Variants in IFT88 observed in about 807,000 individuals in gnomAD.
IFT88 encodes the protein intraflagellar transport 88.
Under a neutral mutation model 119.5 loss-of-function variants are expected in IFT88, and 74 were observed. The observed-to-expected ratio is 0.62, with a 90% CI of 0.51 to 0.75. The LOEUF (loss-of-function observed/expected upper bound fraction) is 0.75. IFT88 is among the 30% of genes least tolerant of loss of function. The pLI, the probability that IFT88 is intolerant of heterozygous loss-of-function variation, is 0.00. For synonymous variants in IFT88, 279 were observed against 316.7 expected (o/e 0.88, Z 1.26); for missense variants, 961 against 977.7 (o/e 0.98, Z 0.23).
At chr13:20,663,104 A>C (rs1159417194) in intron 22 of IFT88, among the ~76,000 whole-genome samples, 3 of 152,266 alleles carry the variant, frequency 2.0e-5, no homozygotes, top group Non-Finnish European at 4.4e-5. Context: ...TAATAACATT[A>C]GTAATGATTA....
chr13:20,656,488 A>C (rs974253856), intron 22 of IFT88, 58 bp downstream of exon 22: 76 of 757,584 alleles, frequency 1.0e-4, no homozygotes, highest in Non-Finnish European at 1.5e-4. Context: ...TTTATGTTCT[A>C]ATATATAATT....
At chr13:20,597,656 A>G (rs955231673) in intron 9 of IFT88, among the ~76,000 whole-genome samples, 1 of 151,728 alleles carries the variant, frequency 6.6e-6, no homozygotes, top group African/African-American at 2.4e-5. Context: ...GAGCAGGAGA[A>G]TGGCGTGAAC....
chr13:20,620,754 T>TG (rs2046346018), intron 14 of IFT88, among the ~76,000 whole-genome samples: 2 of 152,088 alleles, frequency 1.3e-5, no homozygotes, highest in South Asian at 4.2e-4. Flanking sequence ...TTAGTAGAGA[T>TG]GGGGTTTCAC....
chr13:20,573,161 T>C (rs995920957), intron 1 of IFT88, among the ~76,000 whole-genome samples: 2 of 152,208 alleles, frequency 1.3e-5, no homozygotes. Flanking sequence ...AGTAATCATG[T>C]CTTGAAACTT....
intron 9 of IFT88, 26 bp downstream of exon 9, chr13:20,597,145 T>C (rs750763392): frequency 5.9e-6 from 8 of 1,365,398 alleles, no homozygotes; most frequent in Non-Finnish European, 7.1e-6. Flanking sequence ...TAACACAATT[T>C]TTAAATAAAA....
chr13:20,636,397 T>G (rs2049022527), intron 16 of IFT88, among the ~76,000 whole-genome samples: 1 of 152,344 alleles, frequency 6.6e-6, no homozygotes, highest in Admixed American at 6.5e-5. Context: ...TTCTTCTATA[T>G]TTTCTCTAAA....
chr13:20,592,772 A>G (rs1593922699), intron 7 of IFT88, among the ~76,000 whole-genome samples: 1 of 152,294 alleles, frequency 6.6e-6, no homozygotes. Context: ...ACCAGCTCAC[A>G]TAATTACATA....
At chr13:20,680,495 G>A (rs1434447289) in intron 24 of IFT88, among the ~76,000 whole-genome samples, 1 of 152,180 alleles carries the variant, frequency 6.6e-6, no homozygotes, top group African/African-American at 2.4e-5. Flanking sequence ...AGCAGTCACT[G>A]GGGGAATACT....
At chr13:20,633,605 T>C (rs1209144691) in intron 16 of IFT88, among the ~76,000 whole-genome samples, 4 of 152,324 alleles carry the variant, frequency 2.6e-5, no homozygotes, top group African/African-American at 9.6e-5. Context: ...CAAATCTTTA[T>C]ACCAAGTTTG....
chr13:20,595,975 G>A (rs1329170996), intron 7 of IFT88, among the ~76,000 whole-genome samples, 175 bp from the exon 8 acceptor site: 1 of 152,024 alleles, frequency 6.6e-6, no homozygotes, highest in Non-Finnish European at 1.5e-5. Context: ...CCTGAGCCCA[G>A]GAGTCAAGAC....
intron 19 of IFT88, 126 bp downstream of exon 19, chr13:20,643,731 AT>A: frequency 1.4e-6 from 1 of 702,336 alleles, no homozygotes; most frequent in Non-Finnish European, 2.3e-6. Context: ...AAAATAAAGC[AT>A]TCTTGGAAAA....
chr13:20,677,684 TAAG>T (rs994607559), intron 24 of IFT88, among the ~76,000 whole-genome samples: 2 of 152,172 alleles, frequency 1.3e-5, no homozygotes, highest in Non-Finnish European at 2.9e-5. Context: ...TCCTCATACT[TAAG>T]GAGTGAGAAT....
intron 24 of IFT88, among the ~76,000 whole-genome samples, chr13:20,682,898 TCA>T (rs1475296717): frequency 2.6e-5 from 4 of 152,242 alleles, no homozygotes; most frequent in Admixed American, 2.6e-4. Context: ...TGCAAACCGT[TCA>T]CAGTCTTGCT....
chr13:20,655,121 A>G (rs902859332), intron 21 of IFT88, among the ~76,000 whole-genome samples: 1 of 152,202 alleles, frequency 6.6e-6, no homozygotes, highest in African/African-American at 2.4e-5. Flanking sequence ...ATTGCTTTCT[A>G]TAAACTTTCT....
chr13:20,687,046 A>AT (rs2058010394), intron 24 of IFT88, among the ~76,000 whole-genome samples: 1 of 151,014 alleles, frequency 6.6e-6, no homozygotes, highest in Non-Finnish European at 1.5e-5. Context: ...AAAAAAAAAA[A>AT]AAACCTCATA....
intron 23 of IFT88, 25 bp from the exon 24 acceptor site, chr13:20,670,948 T>C (rs1364411316): frequency 6.2e-7 from 1 of 1,606,040 alleles, no homozygotes; most frequent in Admixed American, 1.7e-5. Flanking sequence ...CTTATTCTTT[T>C]AAACTTGTCT....
At position 20,583,946 on chromosome 13, in the gene IFT88, G is replaced by A. The variant is rs563633330; in HGVS notation, c.153+927G>A. ...GAAGATCATTTAACCATATATGTAA[G>A]GGTTTGTTTCTGGGCTTTCTATGCT... On this transcript the variant is annotated intron_variant, in intron 3 of 25. Coordinates refer to ENST00000351808, the MANE Select transcript of IFT88 (RefSeq NM_006531.5). 2.4e-3 allele frequency among the ~76,000 whole-genome samples: 371 copies of A among 152,208 alleles called. 2 individuals carry two copies. Among genetic ancestry groups the A allele is most frequent in the Admixed American group, 4.6e-3 (70 of 15,282 alleles).
At chr13:20,575,037 CA>C (rs2037108327) in intron 2 of IFT88, among the ~76,000 whole-genome samples, 1 of 150,688 alleles carries the variant, frequency 6.6e-6, no homozygotes, top group African/African-American at 2.4e-5. Flanking sequence ...ATTTTGCTAT[CA>C]AATACTAGAT....
chr13:20,571,690 A>G (rs2036392043), intron 1 of IFT88, among the ~76,000 whole-genome samples: 1 of 152,184 alleles, frequency 6.6e-6, no homozygotes, highest in Non-Finnish European at 1.5e-5. Context: ...GAGGTTTATC[A>G]AAAGGAGAAG....
Sources: allele counts gnomAD v4.1 joint callset (sites outside exome capture counted in the v4.1 genomes callset), GRCh38; gene constraint gnomAD v4.1.1; transcripts MANE v1.5; gene names NCBI Gene and HGNC (gene_info 2026-07-23, HGNC 2026-07-21).